The following ADAMTSL1 variants were observed in gnomAD, a reference collection of about 807,000 sequenced individuals.
ADAMTSL1 encodes the protein ADAMTS-like protein 1.
In ADAMTSL1, 126 loss-of-function variants were observed where a neutral mutation model predicts 201.8. The observed-to-expected ratio is 0.62, with a 90% CI of 0.54 to 0.72. The LOEUF is 0.72. Among genes scored for constraint, ADAMTSL1 ranks in the 30% least tolerant of loss-of-function variants. The probability of loss-of-function intolerance (pLI) is 0.00; values close to 1 mark genes in which losing one functional copy is unlikely to be tolerated. For missense variants in ADAMTSL1, 2,679 were observed against 2,277.8 expected (o/e 1.18, Z -3.59); for synonymous variants, 1,121 against 903.4 (o/e 1.24, Z -4.32).
chr9:18,372,140 G>T (rs543842899), intron 2 of ADAMTSL1, among the ~76,000 whole-genome samples: 2 of 152,236 alleles, frequency 1.3e-5, no homozygotes, highest in South Asian at 4.2e-4. Flanking sequence ...GAGCTTAGAG[G>T]TAGCAAAATA....
intron 2 of ADAMTSL1, among the ~76,000 whole-genome samples, chr9:18,460,597 C>G (rs1362964403): frequency 6.6e-6 from 1 of 152,156 alleles, no homozygotes; most frequent in Non-Finnish European, 1.5e-5. Flanking sequence ...AGAGTGAATT[C>G]ATTTTCCAAA....
intron 4 of ADAMTSL1, among the ~76,000 whole-genome samples, chr9:18,585,539 C>G (rs1490292622): frequency 1.3e-5 from 2 of 151,946 alleles, no homozygotes; most frequent in Admixed American, 6.6e-5. Flanking sequence ...AGTCATACAA[C>G]TGGAAAAAGG....
intron 26 of ADAMTSL1, among the ~76,000 whole-genome samples, chr9:18,898,755 C>A (rs10124966): frequency 0.66 from 100,241 of 152,048 alleles, 33,273 homozygotes; most frequent in African/African-American, 0.73. Context: ...TTCAACATCA[C>A]CTTCATCTTA....
intron 2 of ADAMTSL1, among the ~76,000 whole-genome samples, chr9:18,347,319 T>C (rs1465057766): frequency 2.0e-5 from 3 of 152,102 alleles, no homozygotes; most frequent in African/African-American, 7.2e-5. Context: ...TGTTACCATA[T>C]GGATTAATAC....
At chr9:18,719,665 T>C (rs1446111103) in intron 14 of ADAMTSL1, among the ~76,000 whole-genome samples, 3 of 152,168 alleles carry the variant, frequency 2.0e-5, no homozygotes, top group Non-Finnish European at 2.9e-5. Context: ...TGCCTGGCTT[T>C]GTGGTTCTTT....
chr9:18,557,299 A>G (rs950633091), intron 3 of ADAMTSL1, among the ~76,000 whole-genome samples: 1 of 151,988 alleles, frequency 6.6e-6, no homozygotes, highest in Non-Finnish European at 1.5e-5. Flanking sequence ...TTTCCATTCC[A>G]GTGATTAGAG....
At chr9:18,741,893 C>G (rs1358623380) in intron 15 of ADAMTSL1, among the ~76,000 whole-genome samples, 2 of 152,206 alleles carry the variant, frequency 1.3e-5, no homozygotes, top group Admixed American at 6.5e-5. Context: ...TCAAGCCCTT[C>G]CTCTTCCAGC....
chr9:18,760,064 A>C (rs1433000061), intron 16 of ADAMTSL1, among the ~76,000 whole-genome samples: 1 of 152,146 alleles, frequency 6.6e-6, no homozygotes, highest in African/African-American at 2.4e-5. Flanking sequence ...AAGGTCTAAC[A>C]CCAAGCTTAA....
chr9:18,372,768 C>T (rs990904699), intron 2 of ADAMTSL1, among the ~76,000 whole-genome samples: 12 of 152,148 alleles, frequency 7.9e-5, no homozygotes, highest in Middle Eastern at 3.2e-3. Flanking sequence ...ACATGTGGGG[C>T]TCTCTAAAAT....
intron 2 of ADAMTSL1, among the ~76,000 whole-genome samples, chr9:18,372,662 C>T (rs1402340380): frequency 1.3e-5 from 2 of 152,126 alleles, no homozygotes; most frequent in African/African-American, 4.8e-5. Flanking sequence ...AATACATAAT[C>T]GCTAAGCTCT....
intron 15 of ADAMTSL1, among the ~76,000 whole-genome samples, chr9:18,725,304 G>A (rs1430522009): frequency 2.0e-5 from 3 of 152,202 alleles, no homozygotes; most frequent in Non-Finnish European, 2.9e-5. Flanking sequence ...GACAGATGGA[G>A]GTTAAGTAAG....
chr9:18,255,734 G>T (rs1365642751), intron 2 of ADAMTSL1, among the ~76,000 whole-genome samples: 1 of 152,054 alleles, frequency 6.6e-6, no homozygotes, highest in African/African-American at 2.4e-5. Context: ...TATTTATTTG[G>T]ATGCAATTCA....
At chr9:18,236,159 C>A (rs112098083) in intron 2 of ADAMTSL1, among the ~76,000 whole-genome samples, 4,640 of 152,276 alleles carry the variant, frequency 0.03, 102 homozygotes, top group Non-Finnish European at 0.048. Flanking sequence ...CAACCTCCGC[C>A]TCCCAGGTTC....
chr9:18,461,543 A>G (rs546474997), intron 2 of ADAMTSL1, among the ~76,000 whole-genome samples: 1 of 152,334 alleles, frequency 6.6e-6, no homozygotes, highest in African/African-American at 2.4e-5. Context: ...CAGGGTAGAC[A>G]TAGATTAATT....
At chr9:18,009,214 C>G (rs1161153366) in intron 1 of ADAMTSL1, among the ~76,000 whole-genome samples, 3 of 152,030 alleles carry the variant, frequency 2.0e-5, no homozygotes, top group South Asian at 2.1e-4. Context: ...TCTTCCTCTT[C>G]TTCCCTTCAT....
intron 2 of ADAMTSL1, among the ~76,000 whole-genome samples, chr9:18,328,559 A>T (rs771061136): frequency 6.6e-6 from 1 of 152,236 alleles, no homozygotes; most frequent in Non-Finnish European, 1.5e-5. Context: ...CTGAAGAAAC[A>T]TACCCAGAAG....
intron 23 of ADAMTSL1, among the ~76,000 whole-genome samples, chr9:18,858,620 A>G (rs1827015633): frequency 6.6e-6 from 1 of 152,220 alleles, no homozygotes; most frequent in South Asian, 2.1e-4. Context: ...GTGCTGGGCA[A>G]TGCCCAGCCT....
chr9:18,766,792 ATCTCCCAAAAGTCC>A (rs11272262), intron 16 of ADAMTSL1, among the ~76,000 whole-genome samples: 18,451 of 152,118 alleles, frequency 0.12, 1,398 homozygotes, highest in East Asian at 0.31. Context: ...TGACCTAATC[ATCTCCCAAAAGTCC>A]TCACCCCTAA....
At chr9:18,579,072 A>G (rs906276273) in intron 4 of ADAMTSL1, among the ~76,000 whole-genome samples, 2 of 151,828 alleles carry the variant, frequency 1.3e-5, no homozygotes, top group Non-Finnish European at 2.9e-5. Flanking sequence ...ATTATTCACA[A>G]TAGCAAAGAC....
Sources: allele counts gnomAD v4.1 joint callset (sites outside exome capture counted in the v4.1 genomes callset), GRCh38; gene constraint gnomAD v4.1.1; transcripts MANE v1.5; gene names NCBI Gene and HGNC (gene_info 2026-07-23, HGNC 2026-07-21).